TMEM276: variants seen among roughly 807,000 people sequenced by gnomAD.
TMEM276 encodes the protein transmembrane protein 276.
At chr8:144,464,926 G>T in the TMEM276 span, 4 of 1,606,652 alleles carry the variant, frequency 2.5e-6, no homozygotes, top group Non-Finnish European at 3.4e-6. Context: ...CAGTATGTAC[G>T]AGGACACAGA....
the TMEM276 span, chr8:144,466,721 C>T: frequency 4.1e-6 from 6 of 1,467,664 alleles, no homozygotes; most frequent in Admixed American, 4.5e-5. Flanking sequence ...AGCAGGCTGC[C>T]TGCCCCCCTC....
the TMEM276 span, chr8:144,466,713 C>G: frequency 7.0e-7 from 1 of 1,428,070 alleles, no homozygotes; most frequent in South Asian, 1.3e-5. Flanking sequence ...AAGGGGCCAG[C>G]AGGCTGCCTG....
At chr8:144,464,287 A>C in the TMEM276 span, 1 of 1,611,688 alleles carries the variant, frequency 6.2e-7, no homozygotes, top group South Asian at 1.1e-5. Context: ...CCCCCCCCAC[A>C]TCCCATAAGT....
At chr8:144,464,529 T>C in the TMEM276 span, 5 of 1,612,200 alleles carry the variant, frequency 3.1e-6, no homozygotes, top group African/African-American at 1.3e-5. Flanking sequence ...CAAGGCAGTC[T>C]TCGTGTGTGC....
At chr8:144,465,926 G>C in the TMEM276 span, 3 of 135,220 alleles carry the variant, frequency 2.2e-5, no homozygotes, top group Non-Finnish European at 3.2e-5. Context: ...GTCTGGGCGA[G>C]ACTGAGAGGG....
the TMEM276 span, chr8:144,464,818 G>A: frequency 1.2e-6 from 2 of 1,612,666 alleles, no homozygotes; most frequent in Non-Finnish European, 1.7e-6. Flanking sequence ...CCTCGGCTGT[G>A]CTCACGGCTG....
chr8:144,466,492 G>T, the TMEM276 span: 1 of 1,318,462 alleles, frequency 7.6e-7, no homozygotes. Context: ...CGCCGCGGCG[G>T]CCGCGGAGCC....
At chr8:144,464,173 C>T in the TMEM276 span, 3 of 1,612,892 alleles carry the variant, frequency 1.9e-6, no homozygotes, top group Non-Finnish European at 2.5e-6. Flanking sequence ...GCAGTAAGCC[C>T]AGCTGCCTAC....
the TMEM276 span, chr8:144,466,237 G>A: frequency 1.1e-4 from 21 of 193,600 alleles, no homozygotes; most frequent in Non-Finnish European, 2.0e-4. Flanking sequence ...GGGTCTCCAG[G>A]TGCGGCCGCG....
At chr8:144,464,623 AG>A in the TMEM276 span, 1 of 1,598,932 alleles carries the variant, frequency 6.3e-7, no homozygotes, top group Non-Finnish European at 8.5e-7. Context: ...CTGTCAACAC[AG>A]GGAAGGGAGA....
the TMEM276 span, chr8:144,466,400 C>T: frequency 1.7e-6 from 2 of 1,164,592 alleles, no homozygotes; most frequent in African/African-American, 3.3e-5. Flanking sequence ...AAGCGGGGCC[C>T]TCTGCCGCCC....
the TMEM276 span, chr8:144,464,922 G>C: frequency 6.2e-7 from 1 of 1,609,772 alleles, no homozygotes; most frequent in East Asian, 2.2e-5. Flanking sequence ...GCGGCAGTAT[G>C]TACGAGGACA....
At chr8:144,466,221 A>C in the TMEM276 span, 1 of 184,110 alleles carries the variant, frequency 5.4e-6, no homozygotes, top group Non-Finnish European at 1.1e-5. Flanking sequence ...CGCCGTGAGA[A>C]ACGGCGGGTC....
At chr8:144,464,687 G>A in the TMEM276 span, 1 of 1,573,484 alleles carries the variant, frequency 6.4e-7, no homozygotes, top group African/African-American at 1.4e-5. Context: ...AAGGGTTTGG[G>A]GCTTCCATGG....
At chr8:144,465,196 G>C in the TMEM276 span, 1 of 1,291,722 alleles carries the variant, frequency 7.7e-7, no homozygotes, top group East Asian at 3.2e-5. Flanking sequence ...GAGCCCAAGT[G>C]GGAGTGCGGG....
the TMEM276 span, chr8:144,465,085 C>T: frequency 1.3e-6 from 2 of 1,524,712 alleles, no homozygotes; most frequent in Non-Finnish European, 1.8e-6. Flanking sequence ...TCCCTGAGGC[C>T]ACTGCACACA....
the TMEM276 span, chr8:144,464,663 C>G: frequency 6.4e-6 from 10 of 1,573,874 alleles, no homozygotes; most frequent in Admixed American, 1.8e-5. Context: ...CCGGGGTCAC[C>G]CTTTTAAACA....
At chr8:144,466,961 A>G in the TMEM276 span, 422 of 1,592,924 alleles carry the variant, frequency 2.6e-4, no homozygotes, top group Non-Finnish European at 3.3e-4. Flanking sequence ...ACCGGCAGCC[A>G]GCTCCGAGCC....
At chr8:144,464,574 G>C in the TMEM276 span, 2 of 1,610,612 alleles carry the variant, frequency 1.2e-6, no homozygotes, top group Non-Finnish European at 1.7e-6. Context: ...TGGCAGCCAA[G>C]ACCTGGAGCA....
Sources: allele counts gnomAD v4.1 joint callset, GRCh38; gene constraint gnomAD v4.1.1; transcripts MANE v1.5; gene names NCBI Gene and HGNC (gene_info 2026-07-23, HGNC 2026-07-21).